Variants in HYDIN observed in about 807,000 individuals in gnomAD.
The protein encoded by HYDIN is axonemal central pair apparatus protein HYDIN.
HYDIN carries 132 observed loss-of-function variants against 403.9 expected under a neutral mutation model. That is an observed-to-expected ratio of 0.33 (90% confidence interval 0.28 to 0.38). The LOEUF (loss-of-function observed/expected upper bound fraction) is 0.38. HYDIN is among the 10% of genes least tolerant of loss of function. The pLI is 1.00. For missense variants in HYDIN, 2,827 were observed against 5,009.5 expected, an observed-to-expected ratio of 0.56 and a Z score of 13.15; for synonymous variants, 1,202 against 1,891.7, an observed-to-expected ratio of 0.64 and a Z score of 9.46.
chr16:70,982,131 AAAAAAAAAAAG>A (rs893861448), intron 28 of HYDIN, among the ~76,000 whole-genome samples: 12 of 150,912 alleles, frequency 8.0e-5, no homozygotes, highest in African/African-American at 1.9e-4. Flanking sequence ...CCGTCTCCAA[AAAAAAAAAAAG>A]AAAAAAAAAA....
chr16:71,119,607 G>C (rs1445424551), intron 9 of HYDIN, among the ~76,000 whole-genome samples: 1 of 151,364 alleles, frequency 6.6e-6, no homozygotes, highest in African/African-American at 2.4e-5. Flanking sequence ...AGCAGGTACC[G>C]TGTATTAAGA....
chr16:71,102,814 G>T (rs1174338452), intron 10 of HYDIN, among the ~76,000 whole-genome samples: 1 of 144,362 alleles, frequency 6.9e-6, no homozygotes, highest in East Asian at 2.1e-4. Context: ...AAAATCTTTA[G>T]ATCCTAGACT....
intron 1 of HYDIN, among the ~76,000 whole-genome samples, chr16:71,194,395 G>T (rs867185585): frequency 1.3e-5 from 2 of 152,302 alleles, no homozygotes; most frequent in Middle Eastern, 6.8e-3. Context: ...CAGCAACAGA[G>T]TGAGACTCCG....
intron 1 of HYDIN, among the ~76,000 whole-genome samples, chr16:71,203,222 A>C (rs934377225): frequency 4.6e-5 from 7 of 152,168 alleles, no homozygotes; most frequent in Non-Finnish European, 7.4e-5. Context: ...AGCAGTTCCA[A>C]ACTTTGAGAC....
chr16:71,178,435 AT>A (rs1486232767), intron 4 of HYDIN, among the ~76,000 whole-genome samples: 636 of 41,902 alleles, frequency 0.015, 5 homozygotes, highest in African/African-American at 0.062. Context: ...AAAAAAAAAA[AT>A]ATATATATAT....
At chr16:71,180,174 T>C (rs1352094499) in intron 3 of HYDIN, among the ~76,000 whole-genome samples, 2 of 151,114 alleles carry the variant, frequency 1.3e-5, no homozygotes, top group East Asian at 1.9e-4. Context: ...AAAGAACAAA[T>C]AGAAAGAATG....
chr16:71,202,319 TAAAC>T (rs1304453058), intron 1 of HYDIN, among the ~76,000 whole-genome samples: 1 of 152,242 alleles, frequency 6.6e-6, no homozygotes, highest in Non-Finnish European at 1.5e-5. Context: ...AGCAAATTCT[TAAAC>T]AAATACACAT....
At chr16:71,183,994 GA>G (rs2144661711) in intron 3 of HYDIN, among the ~76,000 whole-genome samples, 1 of 152,162 alleles carries the variant, frequency 6.6e-6, no homozygotes, top group South Asian at 2.1e-4. Context: ...AAATGTCTTG[GA>G]AAAGACCATG....
intron 83 of HYDIN, among the ~76,000 whole-genome samples, chr16:70,825,284 T>C (rs1597051429): frequency 6.6e-6 from 1 of 151,984 alleles, no homozygotes; most frequent in Non-Finnish European, 1.5e-5. Flanking sequence ...TTCATCCCGG[T>C]TTTCTGAAAC....
At chr16:71,169,207 C>T (rs1429309053) in intron 5 of HYDIN, among the ~76,000 whole-genome samples, 1 of 152,168 alleles carries the variant, frequency 6.6e-6, no homozygotes, top group Non-Finnish European at 1.5e-5. Context: ...GGGCAGATCA[C>T]TTGAGCTCAG....
chr16:70,981,515 T>G lies in HYDIN; in HGVS notation c.4386A>C (p.Gly1462=). 2 of 1,613,406 alleles carry G rather than the reference T, an allele frequency of 1.2e-6. No individual in the cohort carries two copies. The highest frequency in any genetic ancestry group is 1.7e-6 in the Non-Finnish European group (2 of 1,179,782). The change falls in exon 29 of 86, where the codon GGA becomes GGC. Residue 1462 remains glycine, a synonymous_variant. Transcript: ENST00000393567. ...EQVLKVYYLP[G]VPEVFKRSFQ... Reference sequence around the variant, plus strand: ...AACTCCTTTTAAAGACCTCAGGTACTCCAGGTAGGTAGTAAACTTTTAATA... The same window carrying G: ...AACTCCTTTTAAAGACCTCAGGTACGCCAGGTAGGTAGTAAACTTTTAATA...
chr16:70,874,386 C>A lies in HYDIN; in HGVS notation c.10867G>T (p.Ala3623Ser). The change falls in exon 64 of 86, where the codon GCC (alanine) becomes TCC (serine). Residue 3623 changes from alanine to serine, a missense_variant. Coordinates refer to ENST00000393567, the MANE Select transcript of HYDIN (RefSeq NM_001270974.2). ...ITLDNIHGLV[A>S]PTSQEDISIS... ...CTTATGTCTTCCTGGCTGGTGGGGG[C>A]CACCAGTCCATGGATGTTGTCCAAG... 1 of 536,612 alleles carries A rather than the reference C, an allele frequency of 1.9e-6. No individual in the cohort carries two copies. Among genetic ancestry groups the A allele is most frequent in the Non-Finnish European group, 3.1e-6 (1 of 321,790 alleles). 33.2% of individuals were successfully genotyped at this position (536,612 alleles called of 1,614,324 possible). A position where few individuals can be genotyped will look rare whatever the true frequency, so the allele number is the denominator to read the frequency against.
intron 84 of HYDIN, among the ~76,000 whole-genome samples, chr16:70,810,735 C>T (rs1359591433): frequency 6.6e-6 from 1 of 152,036 alleles, no homozygotes; most frequent in Non-Finnish European, 1.5e-5. Context: ...GAGGCTGAGG[C>T]AGGAGAATCA....
rs2020080 is a variant in HYDIN at position 70,941,682 on chromosome 16, A to G, written c.6807T>C (p.Asp2269=). 1.7e-3 allele frequency: 2,611 copies of G among 1,576,458 alleles called. No individual in the cohort carries two copies. The African/African-American group carries it at 0.035, about 21-fold the overall frequency. The change falls in exon 43 of 86, where the codon GAT becomes GAC. Residue 2269 remains aspartate (D), a synonymous_variant. Transcript: ENST00000393567. ...TCTCCTGGGCCTTCATGGCTGCGTA[A>G]TCCTGGGCCATGTTGAGAATGTATA... ...EHIYILNMAQ[D]YAAMKAQEKA...
intron 83 of HYDIN, among the ~76,000 whole-genome samples, chr16:70,820,187 CTTTTTTTTTTTTTTTTT>C (rs57769826): frequency 3.3e-5 from 3 of 91,816 alleles, no homozygotes; most frequent in Non-Finnish European, 6.6e-5. Flanking sequence ...TTTCTTTTTT[CTTTTTTTTTTTTTTTTT>C]TTTTGAGATG....
intron 8 of HYDIN, among the ~76,000 whole-genome samples, chr16:71,136,781 C>CA (rs60675838): frequency 8.7e-5 from 12 of 137,666 alleles, no homozygotes; most frequent in South Asian, 2.4e-4. Flanking sequence ...AAAAAAAAAA[C>CA]AAAAAAAACA....
At chr16:71,171,591 T>C (rs894808642) in intron 5 of HYDIN, among the ~76,000 whole-genome samples, 11 of 152,162 alleles carry the variant, frequency 7.2e-5, no homozygotes, top group African/African-American at 1.9e-4. Flanking sequence ...AAAATCCTTG[T>C]TAGCCTTATT....
At chr16:70,900,639 C>T (rs1268099822) in intron 53 of HYDIN, among the ~76,000 whole-genome samples, 4 of 148,358 alleles carry the variant, frequency 2.7e-5, no homozygotes, top group East Asian at 2.0e-4. Context: ...GATAGGAATC[C>T]GATAGGTGAC....
rs145610598 is a variant in HYDIN at position 71,021,484 on chromosome 16, G to A, written c.3187-1167C>T. ...CCCGCCTCAGCCTCCCAAAGTGCTGGGATTACAGGTGTGAGCCACCGCACC... is the reference window on the plus strand; with the variant it reads ...CCCGCCTCAGCCTCCCAAAGTGCTGAGATTACAGGTGTGAGCCACCGCACC... On this transcript the variant is annotated intron_variant, in intron 21 of 85. Transcript: ENST00000393567. 2.6e-3 allele frequency among the ~76,000 whole-genome samples: 397 copies of A among 152,138 alleles called. 4 individuals are homozygous for A. The highest frequency in any genetic ancestry group is 8.8e-3 in the African/African-American group (366 of 41,498).
Sources: allele counts gnomAD v4.1 joint callset (sites outside exome capture counted in the v4.1 genomes callset), GRCh38; gene constraint gnomAD v4.1.1; transcripts MANE v1.5; gene names NCBI Gene and HGNC (gene_info 2026-07-23, HGNC 2026-07-21).